The following GPR19 variants were observed in gnomAD, a reference collection of about 807,000 sequenced individuals.
GPR19 encodes probable G protein-coupled receptor 19.
In GPR19, 14 loss-of-function variants were observed where a neutral mutation model predicts 28.5. The observed-to-expected ratio is 0.49, with a 90% CI of 0.32 to 0.77. The LOEUF (loss-of-function observed/expected upper bound fraction) is 0.77. Among genes scored for constraint, GPR19 ranks in the 30% least tolerant of loss-of-function variants. The probability of loss-of-function intolerance (pLI) is 0.03; values close to 1 mark genes in which losing one functional copy is unlikely to be tolerated. For missense variants in GPR19, 409 were observed against 504.1 expected (o/e 0.81, Z 1.81); for synonymous variants, 173 against 184.1 (o/e 0.94, Z 0.49).
chr12:12,678,280 C>T (rs972744721), intron 3 of GPR19, among the ~76,000 whole-genome samples: 22 of 151,700 alleles, frequency 1.5e-4, no homozygotes, highest in African/African-American at 5.3e-4. Context: ...TATGTATATA[C>T]CCTTAAATTT....
At position 12,661,789 on chromosome 12, in the gene GPR19, G is replaced by A. The variant is rs914463808; in HGVS notation, c.660C>T (p.Gly220=). The A allele has an allele frequency of 5.6e-6, 9 of 1,613,866 alleles. No individual in the cohort carries two copies. The African/African-American group carries it at 1.1e-4, about 19-fold the overall frequency. ...CNYFLPSSWE[G]TAYTVIHFLV... is the part of the protein sequence containing the mutation. ...AGAAGTGGATGACAGTGTAGGCAGT[G>A]CCTTCCCAAGAGGAGGGGAGGAAAT... Residue 220 remains glycine, a synonymous_variant, in exon 4 of 4, where the codon GGC becomes GGT. Transcript: ENST00000651487. The surrounding 1 kb of genome is among the most constrained non-coding windows in gnomAD (Gnocchi z 4.2).
At chr12:12,668,613 G>T (rs1293452910) in intron 3 of GPR19, among the ~76,000 whole-genome samples, 2 of 150,832 alleles carry the variant, frequency 1.3e-5, no homozygotes, top group East Asian at 3.9e-4. Flanking sequence ...TATTTCTTGA[G>T]ATTTGTTTAA....
the GPR19 span, among the ~76,000 whole-genome samples, chr12:12,708,156 T>C: frequency 1.1e-4 from 17 of 152,070 alleles, no homozygotes; most frequent in South Asian, 1.0e-3. Flanking sequence ...TGTGCCACCA[T>C]GCCCAGCTAA....
At chr12:12,688,763 C>T (rs2136334515) in intron 2 of GPR19, 1 of 152,372 alleles carries the variant, frequency 6.6e-6, no homozygotes, top group African/African-American at 2.4e-5. Flanking sequence ...CAGCAGGGGC[C>T]AGGGGTACTG....
At chr12:12,710,686 A>G in the GPR19 span, among the ~76,000 whole-genome samples, 1 of 152,118 alleles carries the variant, frequency 6.6e-6, no homozygotes, top group African/African-American at 2.4e-5. Flanking sequence ...ACAAGTGCAC[A>G]ACACTGTGCC....
chr12:12,693,234 T>C (rs573464764), intron 2 of GPR19, among the ~76,000 whole-genome samples: 61 of 152,340 alleles, frequency 4.0e-4, no homozygotes, highest in African/African-American at 1.5e-3. Flanking sequence ...AAACCACTTG[T>C]GTGGTCAGAG....
chr12:12,671,467 A>T (rs972204921), intron 3 of GPR19, among the ~76,000 whole-genome samples: 1 of 152,076 alleles, frequency 6.6e-6, no homozygotes, highest in Non-Finnish European at 1.5e-5. Flanking sequence ...CCTTTTATAT[A>T]ATATATATAA....
At chr12:12,696,761 T>G (rs981685015), upstream of GPR19, among the ~76,000 whole-genome samples, 3 of 152,220 alleles carry the variant, frequency 2.0e-5, no homozygotes, top group Admixed American at 6.5e-5. Context: ...GCGCCTTGGT[T>G]TGCTCCCTTG....
chr12:12,683,104 G>A (rs559735862), intron 3 of GPR19, among the ~76,000 whole-genome samples: 3 of 152,128 alleles, frequency 2.0e-5, no homozygotes, highest in South Asian at 2.1e-4. Flanking sequence ...TTCTACGTTC[G>A]ATTTTTTAAA....
At chr12:12,697,153 T>TAAAAAAAAAAAA (rs386375639), upstream of GPR19, among the ~76,000 whole-genome samples, 275 of 48,832 alleles carry the variant, frequency 5.6e-3, 50 homozygotes, top group African/African-American at 9.5e-3. Flanking sequence ...TGAAGCGAAG[T>TAAAAAAAAAAAA]AAAAAAAAAA....
chr12:12,669,048 A>G (rs917997328), intron 3 of GPR19: 3 of 152,250 alleles, frequency 2.0e-5, no homozygotes, highest in South Asian at 2.1e-4. Flanking sequence ...TTGGCTGTAC[A>G]TGGGTAAGTC....
chr12:12,711,527 A>G, the GPR19 span, among the ~76,000 whole-genome samples: 5 of 152,146 alleles, frequency 3.3e-5, no homozygotes, highest in African/African-American at 9.6e-5. Context: ...CTTACATTCT[A>G]TTGGAAAATA....
intron 3 of GPR19, among the ~76,000 whole-genome samples, chr12:12,667,864 C>T (rs1945805164): frequency 6.6e-6 from 1 of 152,092 alleles, no homozygotes; most frequent in Non-Finnish European, 1.5e-5. Context: ...TATGTCTTTA[C>T]TTCTATATCC....
chr12:12,691,754 A>G (rs1392079838), intron 2 of GPR19, among the ~76,000 whole-genome samples: 1 of 152,144 alleles, frequency 6.6e-6, no homozygotes, highest in Non-Finnish European at 1.5e-5. Flanking sequence ...ATGACTTTTG[A>G]GATTAACCTA....
chr12:12,691,826 G>T (rs2136336338), intron 2 of GPR19, among the ~76,000 whole-genome samples: 1 of 152,292 alleles, frequency 6.6e-6, no homozygotes, highest in South Asian at 2.1e-4. Context: ...GTGTCTGGTT[G>T]CAAGGCTGGT....
At chr12:12,682,338 C>G (rs1341514741) in intron 3 of GPR19, among the ~76,000 whole-genome samples, 1 of 152,230 alleles carries the variant, frequency 6.6e-6, no homozygotes, top group Non-Finnish European at 1.5e-5. Context: ...ATAATTTTGA[C>G]TGTTGCCAAG....
Position 12,694,188 on chromosome 12 carries a change from C to CTTT in GPR19, c.-180+1268_-180+1270dup, listed in dbSNP as rs147543699. On this transcript the variant is annotated intron_variant, in intron 2 of 3. Transcript: ENST00000651487. ...TGTGTGGGCATGGTAGAGTACCTGT[C>CTTT]TTTTTTTTTTTTTTTTTTTTTTTTT... Among the ~76,000 whole-genome samples the CTTT allele has an allele frequency of 2.5e-3, 108 of 43,848 alleles. 25 individuals carry two copies. The highest frequency in any genetic ancestry group is 9.6e-3 in the African/African-American group (106 of 10,986). 28.8% of individuals were successfully genotyped at this position (43,848 alleles called of 152,430 possible). A position where few individuals can be genotyped will look rare whatever the true frequency, so the allele number is the denominator to read the frequency against.
At chr12:12,712,230 C>G in the GPR19 span, among the ~76,000 whole-genome samples, 1 of 152,214 alleles carries the variant, frequency 6.6e-6, no homozygotes, top group African/African-American at 2.4e-5. Context: ...TGAACTCTGC[C>G]CATCTCCCCA....
intron 3 of GPR19, among the ~76,000 whole-genome samples, chr12:12,666,761 A>T (rs1011817280): frequency 6.6e-6 from 1 of 152,256 alleles, no homozygotes; most frequent in African/African-American, 2.4e-5. Flanking sequence ...CTCTTACTCT[A>T]TGTGCCTCTG....
Sources: gnomAD v4.1 joint callset for allele counts (sites outside exome capture counted in the v4.1 genomes callset) on GRCh38, gnomAD v4.1.1 for gene constraint, Gnocchi (gnomAD v3.1) non-coding constraint, MANE v1.5 for transcripts, NCBI Gene and HGNC (gene_info 2026-07-23, HGNC 2026-07-21) for gene names.